Variants in MIDEAS observed in about 807,000 individuals in gnomAD.
MIDEAS encodes mitotic deacetylase associated SANT domain protein.
Under a neutral mutation model 102.7 loss-of-function variants are expected in MIDEAS, and 26 were observed. The ratio of observed to expected loss-of-function variants is 0.25; its 90% CI spans 0.19 to 0.35. MIDEAS has a LOEUF of 0.35. Among genes scored for constraint, MIDEAS ranks in the 10% least tolerant of loss-of-function variants. The pLI is 1.00. For missense variants in MIDEAS, 1,231 were observed against 1,435.6 expected (o/e 0.86, Z 2.30); for synonymous variants, 585 against 591.0 (o/e 0.99, Z 0.15).
intron 5 of MIDEAS, 41 bp from the exon 6 acceptor site, chr14:73,727,013 C>T (rs763589269): frequency 1.8e-5 from 28 of 1,549,880 alleles, no homozygotes; most frequent in African/African-American, 4.1e-5. Context: ...CCTCACCTTG[C>T]GGGGACGGAG....
Position 73,715,803 on chromosome 14 carries a change from G to A in MIDEAS, c.*3040C>T, listed in dbSNP as rs1006292832. 1 of 152,636 alleles carries A rather than the reference G, an allele frequency of 6.6e-6. No individual in the cohort carries two copies. The highest frequency in any genetic ancestry group is 2.4e-5 in the African/African-American group (1 of 41,458). 9.5% of individuals were successfully genotyped at this position (152,636 alleles called of 1,614,324 possible). On this transcript the variant is annotated 3_prime_UTR_variant, in exon 13 of 13. Coordinates refer to ENST00000423556, the MANE Select transcript of MIDEAS (RefSeq NM_001367710.1). ...TAGGTCACTGAGGCAGTTAAATATA[G>A]GTGATCCCTTTAGACATAAGCAGCA... is the stretch of plus-strand genomic sequence containing the variant.
At chr14:73,765,179 A>T (rs903526164), upstream of MIDEAS, among the ~76,000 whole-genome samples, 2 of 152,248 alleles carry the variant, frequency 1.3e-5, no homozygotes, top group African/African-American at 4.8e-5. Context: ...ATGGGCCAAG[A>T]GGAACAGGAA....
rs779499610 is a variant in MIDEAS at position 73,739,839 on chromosome 14, G to A, written c.170C>T (p.Ser57Phe). ...LGHEGPGGAVSTSQPVELPPP... is the reference protein window; with the variant it reads ...LGHEGPGGAVFTSQPVELPPP... Reference sequence around the variant, plus strand: ...GGGCAGTTCCACAGGCTGAGAGGTGGAGACTGCCCCTCCTGGACCCTCGTG... The same window carrying A: ...GGGCAGTTCCACAGGCTGAGAGGTGAAGACTGCCCCTCCTGGACCCTCGTG... The change falls in exon 2 of 13, where the codon TCC (serine) becomes TTC (phenylalanine). Residue 57 changes from serine to phenylalanine, a missense_variant. Coordinates refer to ENST00000423556, the MANE Select transcript of MIDEAS (RefSeq NM_001367710.1). 1.2e-6 allele frequency: 2 copies of A among 1,607,510 alleles called. No homozygotes were observed. The highest frequency in any genetic ancestry group is 8.5e-7 in the Non-Finnish European group (1 of 1,175,622).
intron 1 of MIDEAS, among the ~76,000 whole-genome samples, chr14:73,743,223 A>G (rs1463588707): frequency 6.6e-6 from 1 of 152,132 alleles, no homozygotes; most frequent in Non-Finnish European, 1.5e-5. Context: ...CTAGACACAG[A>G]TATCAGATAT....
intron 2 of MIDEAS, among the ~76,000 whole-genome samples, chr14:73,738,156 G>C (rs532794671): frequency 1.3e-5 from 2 of 152,002 alleles, no homozygotes; most frequent in South Asian, 4.1e-4. Context: ...CTAGCACTTT[G>C]GGGGGCTGAG....
At chr14:73,784,807 C>A (rs1185315237) in intron 1 of MIDEAS, among the ~76,000 whole-genome samples, 1 of 152,238 alleles carries the variant, frequency 6.6e-6, no homozygotes, top group African/African-American at 2.4e-5. Context: ...GCAACTGTAA[C>A]CATACATGCC....
rs115549796 is a variant in MIDEAS at position 73,751,000 on chromosome 14, A to G, written c.-248+8763T>C. Among the ~76,000 whole-genome samples the G allele has an allele frequency of 5.4e-3, 816 of 152,286 alleles. 6 individuals carry two copies. Among genetic ancestry groups the G allele is most frequent in the African/African-American group, 0.019 (779 of 41,540 alleles). On this transcript the variant is annotated intron_variant, in intron 1 of 12. Transcript: ENST00000423556. ...ACACATTATCCTGTGTAATCATCTC[A>G]CAGAAAGGTAGATATTATCATTATT...
intron 1 of MIDEAS, among the ~76,000 whole-genome samples, chr14:73,783,405 T>C (rs1249905531): frequency 6.6e-6 from 1 of 152,132 alleles, no homozygotes; most frequent in Non-Finnish European, 1.5e-5. Context: ...CATCAGTGGT[T>C]TGGACAAACA....
At chr14:73,777,222 G>A (rs1459138422) in intron 1 of MIDEAS, among the ~76,000 whole-genome samples, 1 of 151,908 alleles carries the variant, frequency 6.6e-6, no homozygotes, top group Non-Finnish European at 1.5e-5. Context: ...TGGAAGGGGT[G>A]GCAGCATCCA....
intron 1 of MIDEAS, 80 bp from the exon 2 acceptor site, chr14:73,740,335 G>A (rs2053267276): frequency 2.5e-6 from 1 of 399,426 alleles, no homozygotes. Context: ...TAAGAAAAGG[G>A]GCTCCAAGGG....
chr14:73,740,200 G>C lies in MIDEAS; in HGVS notation c.-192C>G. 1.0e-5 allele frequency: 6 copies of C among 585,904 alleles called. No homozygotes were observed. Among genetic ancestry groups the C allele is most frequent in the Non-Finnish European group, 1.5e-5 (6 of 390,862 alleles). 36.3% of individuals were successfully genotyped at this position (585,904 alleles called of 1,614,324 possible). A position where few individuals can be genotyped will look rare whatever the true frequency, so the allele number is the denominator to read the frequency against. ...TGGCTCTTCCTTTCTCTTCCAGAGA[G>C]GCTCTGGGGCTCAGCTACTCTTCCC... On this transcript the variant is annotated 5_prime_UTR_variant, in exon 2 of 13. Coordinates refer to ENST00000423556, the MANE Select transcript of MIDEAS (RefSeq NM_001367710.1).
At chr14:73,758,180 C>T (rs1438753690) in intron 1 of MIDEAS, among the ~76,000 whole-genome samples, 10 of 152,240 alleles carry the variant, frequency 6.6e-5, no homozygotes, top group Non-Finnish European at 2.9e-5. Context: ...TGAATGTTTA[C>T]GCTCCTATTA....
chr14:73,719,437 GCCTGGC>G lies in MIDEAS; in HGVS notation c.2996_3001del (p.Gly999_Gln1000del). ...TGTCCCTTCCCTTGGCTTCTCCGAG[GCCTGGC>G]CACCGGCAGACCCAGGGGCGTTGGA... On this transcript the variant is annotated inframe_deletion, in exon 12 of 13. Coordinates refer to ENST00000423556, the MANE Select transcript of MIDEAS (RefSeq NM_001367710.1). 1 of 1,614,092 alleles carries G rather than the reference GCCTGGC, an allele frequency of 6.2e-7. No homozygotes were observed. Among genetic ancestry groups the G allele is most frequent in the Non-Finnish European group, 8.5e-7 (1 of 1,180,018 alleles).
intron 1 of MIDEAS, among the ~76,000 whole-genome samples, chr14:73,780,413 G>C (rs1368841300): frequency 6.6e-6 from 1 of 152,220 alleles, no homozygotes; most frequent in Non-Finnish European, 1.5e-5. Flanking sequence ...TGGAGAAAAA[G>C]AAAAGTGGCC....
chr14:73,720,616 T>C (rs2052976510), intron 11 of MIDEAS, among the ~76,000 whole-genome samples: 1 of 152,148 alleles, frequency 6.6e-6, no homozygotes, highest in Non-Finnish European at 1.5e-5. Context: ...CTTCCCCTCC[T>C]TACCCCTTTC....
chr14:73,744,762 T>C (rs769345355), intron 1 of MIDEAS, among the ~76,000 whole-genome samples: 2 of 152,176 alleles, frequency 1.3e-5, no homozygotes, highest in Non-Finnish European at 2.9e-5. Flanking sequence ...TCCAGGTCTT[T>C]GGCCAGGCTG....
At position 73,738,899 on chromosome 14, in the gene MIDEAS, C is replaced by G; in HGVS notation, c.1110G>C (p.Glu370Asp). 1.3e-6 allele frequency: 2 copies of G among 1,542,526 alleles called. No individual in the cohort carries two copies. The highest frequency in any genetic ancestry group is 1.7e-6 in the Non-Finnish European group (2 of 1,145,450). Residue 370 changes from glutamate to aspartate, a missense_variant, in exon 2 of 13, where the codon GAG (glutamate) becomes GAC (aspartate). Glu to Asp is a conservative substitution (Grantham distance 45). Transcript: ENST00000423556. ...LDGAGTQPGQ[E>D]ATGNLFLHHW... Reference sequence around the variant, plus strand: ...GATGTAGGAACAGGTTGCCAGTGGCCTCCTGCCCAGGCTGGGTGCCAGCCC... The same window carrying G: ...GATGTAGGAACAGGTTGCCAGTGGCGTCCTGCCCAGGCTGGGTGCCAGCCC...
At chr14:73,758,875 T>C (rs1261438213) in intron 1 of MIDEAS, 1 of 154,342 alleles carries the variant, frequency 6.5e-6, no homozygotes, top group African/African-American at 2.4e-5. Flanking sequence ...CCCCTAGACC[T>C]TTACCCAGAG....
At chr14:73,773,843 T>G (rs2053664425) in intron 1 of MIDEAS, among the ~76,000 whole-genome samples, 1 of 151,362 alleles carries the variant, frequency 6.6e-6, no homozygotes, top group Non-Finnish European at 1.5e-5. Flanking sequence ...GCCAATATGG[T>G]AAAACCCTGT....
Sources: gnomAD v4.1 joint callset for allele counts (sites outside exome capture counted in the v4.1 genomes callset) on GRCh38, gnomAD v4.1.1 for gene constraint, MANE v1.5 for transcripts, NCBI Gene and HGNC (gene_info 2026-07-23, HGNC 2026-07-21) for gene names.